Variants in CCDC141 observed in about 807,000 individuals in gnomAD.
CCDC141 encodes the protein coiled-coil domain-containing protein 141.
In CCDC141, 168 loss-of-function variants were observed where a neutral mutation model predicts 181.0. The observed-to-expected ratio is 0.93, with a 90% confidence interval of 0.82 to 1.05. The LOEUF (loss-of-function observed/expected upper bound fraction) is 1.05, where lower values mean the gene tolerates loss of function less well. Ranked by LOEUF, CCDC141 falls within the 50% of genes least tolerant of loss-of-function variation. The probability of loss-of-function intolerance (pLI) is 0.00; values close to 1 mark genes in which losing one functional copy is unlikely to be tolerated. For synonymous variants in CCDC141, 666 were observed against 642.3 expected (o/e 1.04, Z -0.56); for missense variants, 1,902 against 1,788.5 (o/e 1.06, Z -1.14).
chr2:178,987,226 C>A (rs558478569), intron 2 of CCDC141, among the ~76,000 whole-genome samples: 155 of 150,278 alleles, frequency 1.0e-3, no homozygotes, highest in African/African-American at 3.2e-3. Context: ...GAAAGGATTC[C>A]CTATTTAATA....
At chr2:178,824,617 CAAAAAAAAAA>C in the CCDC141 span, among the ~76,000 whole-genome samples, 4 of 52,292 alleles carry the variant, frequency 7.6e-5, no homozygotes, top group South Asian at 1.1e-3. Flanking sequence ...GAGACTTCGT[CAAAAAAAAAA>C]AAAAAAAAAA....
At chr2:178,924,238 A>G (rs1688827848) in intron 6 of CCDC141, among the ~76,000 whole-genome samples, 1 of 152,246 alleles carries the variant, frequency 6.6e-6, no homozygotes, top group African/African-American at 2.4e-5. Flanking sequence ...TGTGGAGATT[A>G]CTGGCCAAAA....
rs766345757 is a variant in CCDC141, at chr2:178,836,983, G to A, written c.4236C>T (p.Ser1412=). ...TGACAGTTACATTAGACAGGAGCCT[G>A]GAGAAATTAGGTGCCTGGTCAGCTA... is the stretch of plus-strand genomic sequence containing the variant. ...VSLADQAPNF[S]RLLSNVTVME... Residue 1412 remains serine, a synonymous_variant, in exon 23 of 24, where the codon TCC becomes TCT. Coordinates refer to ENST00000443758, the MANE Select transcript of CCDC141 (RefSeq NM_173648.4). The A allele has an allele frequency of 9.9e-6, 16 of 1,613,856 alleles. No homozygotes were observed. The highest frequency in any genetic ancestry group is 3.3e-4 in the Middle Eastern group (2 of 6,072).
intron 5 of CCDC141, among the ~76,000 whole-genome samples, chr2:178,960,685 T>C (rs150795897): frequency 7.2e-5 from 11 of 152,260 alleles, no homozygotes; most frequent in African/African-American, 2.4e-4. Flanking sequence ...GCAGCCTGGG[T>C]AATGAGCTCT....
At chr2:179,018,930 T>C (rs1027765355) in intron 2 of CCDC141, among the ~76,000 whole-genome samples, 22 of 152,200 alleles carry the variant, frequency 1.4e-4, no homozygotes, top group African/African-American at 5.3e-4. Context: ...CAATGAAATA[T>C]GTTTCAGATA....
chr2:178,914,236 C>G (rs534255157), intron 7 of CCDC141, among the ~76,000 whole-genome samples: 1 of 152,318 alleles, frequency 6.6e-6, no homozygotes, highest in East Asian at 1.9e-4. Flanking sequence ...AGGAACTTTT[C>G]TCCAATCAAC....
At chr2:178,866,398 T>C (rs1362161065) in intron 16 of CCDC141, among the ~76,000 whole-genome samples, 1 of 152,210 alleles carries the variant, frequency 6.6e-6, no homozygotes, top group African/African-American at 2.4e-5. Flanking sequence ...TCTTGCTTTC[T>C]TTTTCTTTTA....
intron 8 of CCDC141, among the ~76,000 whole-genome samples, chr2:178,898,625 G>A (rs1687527383): frequency 6.6e-6 from 1 of 152,168 alleles, no homozygotes; most frequent in Non-Finnish European, 1.5e-5. Context: ...AAGAAAACAT[G>A]TAAATAACCA....
In CCDC141 at chr2:178,830,757, G is replaced by A. The variant is rs1205461363; in HGVS notation, c.*3416C>T. 2 of 152,362 alleles carry A rather than the reference G, an allele frequency of 1.3e-5. No homozygotes were observed. The highest frequency in any genetic ancestry group is 2.9e-5 in the Non-Finnish European group (2 of 68,152). The allele number at this position is 152,362 out of a possible 1,614,324, so 9.4% of individuals were successfully genotyped here. A position where few individuals can be genotyped will look rare whatever the true frequency, so the allele number is the denominator to read the frequency against. On this transcript the variant is annotated 3_prime_UTR_variant, in exon 24 of 24. Coordinates refer to ENST00000443758, the MANE Select transcript of CCDC141 (RefSeq NM_173648.4). ...GGACCATCTACTCTGGACTTGATGG[G>A]TCAGGAGGCTTCCCAGGGGAAGTTG...
intron 2 of CCDC141, among the ~76,000 whole-genome samples, chr2:179,013,823 T>C (rs1216666822): frequency 6.6e-6 from 1 of 151,428 alleles, no homozygotes; most frequent in Non-Finnish European, 1.5e-5. Context: ...CCAGGTGTGG[T>C]GGCGGGCACT....
chr2:178,864,336 T>A (rs1685750229), intron 17 of CCDC141, among the ~76,000 whole-genome samples: 1 of 152,200 alleles, frequency 6.6e-6, no homozygotes, highest in Non-Finnish European at 1.5e-5. Context: ...CCACATTTTG[T>A]AGCCTTGGGG....
chr2:178,898,556 C>T (rs1687524254), intron 8 of CCDC141, among the ~76,000 whole-genome samples: 1 of 152,118 alleles, frequency 6.6e-6, no homozygotes, highest in Non-Finnish European at 1.5e-5. Flanking sequence ...AAAAGGATAA[C>T]AACTATTTAA....
intron 2 of CCDC141, among the ~76,000 whole-genome samples, chr2:178,995,143 C>G (rs541621500): frequency 1.2e-4 from 19 of 152,258 alleles, no homozygotes; most frequent in African/African-American, 4.6e-4. Flanking sequence ...CTACGGGTAC[C>G]AATTTACTGT....
intron 2 of CCDC141, among the ~76,000 whole-genome samples, chr2:178,992,105 T>C (rs75159259): frequency 0.011 from 1,740 of 152,048 alleles, 29 homozygotes; most frequent in African/African-American, 0.04. Context: ...TGTAGAAATT[T>C]GGATGTTTCC....
intron 22 of CCDC141, among the ~76,000 whole-genome samples, chr2:178,838,972 C>T (rs1351901138): frequency 6.6e-6 from 1 of 152,204 alleles, no homozygotes; most frequent in African/African-American, 2.4e-5. Flanking sequence ...TGCCGTTCCT[C>T]AGCATTTTGG....
chr2:179,049,687 C>G (rs2043615676), intron 1 of CCDC141, among the ~76,000 whole-genome samples, 153 bp downstream of exon 1: 1 of 149,020 alleles, frequency 6.7e-6, no homozygotes, highest in African/African-American at 2.5e-5. Context: ...GTAGAGGTTT[C>G]TCTTAGTAGC....
chr2:178,954,170 T>C (rs1169590521), intron 5 of CCDC141, among the ~76,000 whole-genome samples: 2 of 152,232 alleles, frequency 1.3e-5, no homozygotes, highest in African/African-American at 2.4e-5. Context: ...AGTTTTAATA[T>C]ATTTGTTTTT....
In CCDC141 at chr2:178,869,240, A is replaced by C. The variant is rs1161061073; in HGVS notation, c.2271T>G (p.Pro757=). The change falls in exon 15 of 24, where the codon CCT becomes CCG. Residue 757 remains proline (P), a synonymous_variant. Coordinates refer to ENST00000443758, the MANE Select transcript of CCDC141 (RefSeq NM_173648.4). ...ESEELTGRGA[P]VKEKSQQLKD... ...TCAGTTGTTGAGACTTTTCTTTTACAGGGGCTCCTCTGCCAGTTAACTCCT... is the reference window on the plus strand; with the variant it reads ...TCAGTTGTTGAGACTTTTCTTTTACCGGGGCTCCTCTGCCAGTTAACTCCT... 3 of 1,613,546 alleles carry C rather than the reference A, an allele frequency of 1.9e-6. No homozygotes were observed. Among genetic ancestry groups the C allele is most frequent in the Non-Finnish European group, 2.5e-6 (3 of 1,179,758 alleles).
intron 2 of CCDC141, among the ~76,000 whole-genome samples, chr2:179,025,106 C>CT (rs879902552): frequency 3.7e-4 from 53 of 145,032 alleles, no homozygotes; most frequent in Middle Eastern, 3.5e-3. Context: ...TTTTTCTTTT[C>CT]TTTTTTTTTT....
Sources: gnomAD v4.1 joint callset for allele counts (sites outside exome capture counted in the v4.1 genomes callset) on GRCh38, gnomAD v4.1.1 for gene constraint, MANE v1.5 for transcripts, NCBI Gene and HGNC (gene_info 2026-07-23, HGNC 2026-07-21) for gene names.